The following MAN2B2 variants were observed in gnomAD, a reference collection of about 807,000 sequenced individuals.
MAN2B2 encodes mannosidase alpha class 2B member 2, also known as epididymis-specific alpha-mannosidase.
Under a neutral mutation model 117.1 loss-of-function variants are expected in MAN2B2, and 106 were observed. The observed-to-expected ratio is 0.90, with a 90% CI of 0.77 to 1.06. The LOEUF is 1.06. MAN2B2 is among the 50% of genes least tolerant of loss of function. MAN2B2 has a pLI of 0.00. For missense variants in MAN2B2, 1,326 were observed against 1,381.4 expected (o/e 0.96, Z 0.64); for synonymous variants, 544 against 595.1 (o/e 0.91, Z 1.25).
At chr4:6,605,911 CCATT>C (rs35778667) in intron 11 of MAN2B2, among the ~76,000 whole-genome samples, 70,127 of 150,822 alleles carry the variant, frequency 0.46, 16,596 homozygotes, top group East Asian at 0.62. Flanking sequence ...ACCCAACCAC[CCATT>C]CATTCATTCA....
In MAN2B2 at chr4:6,614,282, C is replaced by G; in HGVS notation, c.2628C>G (p.His876Gln). Reference sequence around the variant, plus strand: ...CCGTGACGCTGCCCCCGAATCTTCACCTGCAGATCCTGAGCATCCCTGGCT... The same window carrying G: ...CCGTGACGCTGCCCCCGAATCTTCAGCTGCAGATCCTGAGCATCCCTGGCT... ...QEAVTLPPNL[H>Q]LQILSIPGWR... Residue 876 changes from histidine (H) to glutamine (Q), a missense_variant, in exon 16 of 19, where the codon CAC becomes CAG. His to Gln is a conservative substitution (Grantham distance 24, BLOSUM62 0). Transcript: ENST00000285599. 2 of 1,614,132 alleles carry G rather than the reference C, an allele frequency of 1.2e-6. No homozygotes were observed. Among genetic ancestry groups the G allele is most frequent in the Non-Finnish European group, 8.5e-7 (1 of 1,180,008 alleles).
chr4:6,588,458 C>T (rs1726728443), intron 4 of MAN2B2, among the ~76,000 whole-genome samples: 3 of 152,298 alleles, frequency 2.0e-5, no homozygotes, highest in South Asian at 4.1e-4. Context: ...CAGTGGCTCA[C>T]GCCTGTAATC....
chr4:6,600,853 T>G, intron 10 of MAN2B2, 97 bp downstream of exon 10: 10 of 1,417,800 alleles, frequency 7.1e-6, no homozygotes, highest in Non-Finnish European at 8.6e-6. Flanking sequence ...AGGGAGGCCT[T>G]ATCACCTTTG....
At position 6,597,282 on chromosome 4, in the gene MAN2B2, G is replaced by C; in HGVS notation, c.1227G>C (p.Gln409His). ...DPTWALQQLQ[Q>H]LRWAVSEVQH... ...CCTGGGCCCTGCAGCAGCTCCAGCA[G>C]CTTCGCTGGGCCGTCTCCGAGGTAA... Residue 409 changes from glutamine (Q) to histidine (H), a missense_variant, in exon 8 of 19, where the codon CAG becomes CAC. Physicochemically the swap from Gln to His is conservative, Grantham distance 24. Coordinates refer to ENST00000285599, the MANE Select transcript of MAN2B2 (RefSeq NM_015274.3). 4 of 1,560,432 alleles carry C rather than the reference G, an allele frequency of 2.6e-6. No individual in the cohort carries two copies. The highest frequency in any genetic ancestry group is 3.5e-6 in the Non-Finnish European group (4 of 1,152,832).
chr4:6,609,140 A>T lies in MAN2B2; in HGVS notation c.1848A>T (p.Glu616Asp). The T allele has an allele frequency of 6.2e-7, 1 of 1,614,198 alleles. No homozygotes were observed. The highest frequency in any genetic ancestry group is 8.5e-7 in the Non-Finnish European group (1 of 1,180,032). Residue 616 changes from glutamate (E) to aspartate (D), a missense_variant, in exon 12 of 19, where the codon GAA (glutamate) becomes GAT (aspartate). Coordinates refer to ENST00000285599, the MANE Select transcript of MAN2B2 (RefSeq NM_015274.3). ...ACCGAACGGTGCGCGTGACCCAGGA[A>T]TTCCTGGAGTACCACGTCAACGGGG... ...QSNRTVRVTQEFLEYHVNGDV... is the reference protein window; with the variant it reads ...QSNRTVRVTQDFLEYHVNGDV...
At position 6,620,050 on chromosome 4, in the gene MAN2B2, G is replaced by T; in HGVS notation, c.2932+6G>T. ...GGGGCCTGGCCGCCACAGAGGTTTG[G>T]GGACCCCCGCTTCAGCTCCCTACCC... On this transcript the variant is annotated splice_donor_region_variant and intron_variant, in intron 18 of 18. Transcript: ENST00000285599. 1 of 1,606,034 alleles carries T rather than the reference G, an allele frequency of 6.2e-7. No homozygotes were observed. Among genetic ancestry groups the T allele is most frequent in the East Asian group, 2.2e-5 (1 of 44,464 alleles).
intron 6 of MAN2B2, among the ~76,000 whole-genome samples, chr4:6,593,592 G>T (rs1420422970): frequency 6.6e-6 from 1 of 152,158 alleles, no homozygotes; most frequent in Non-Finnish European, 1.5e-5. Flanking sequence ...TCTCTTCCCT[G>T]CCTGGGCCGG....
rs1171179288 is a variant in MAN2B2, at chr4:6,621,877, G to C, written c.*592G>C. ...GCACAGCAGCCGTCAGAGTCCATGAGAGGTGAAACCACACAGCAGGGATGT... is the reference window on the plus strand; with the variant it reads ...GCACAGCAGCCGTCAGAGTCCATGACAGGTGAAACCACACAGCAGGGATGT... On this transcript the variant is annotated 3_prime_UTR_variant, in exon 19 of 19. Transcript: ENST00000285599. 6.6e-6 allele frequency: 1 copy of C among 152,502 alleles called. No individual in the cohort carries two copies. The highest frequency in any genetic ancestry group is 2.4e-5 in the African/African-American group (1 of 41,478). 9.4% of individuals were successfully genotyped at this position (152,502 alleles called of 1,614,324 possible).
chr4:6,611,097 C>T lies in MAN2B2; in HGVS notation c.2382C>T (p.His794=), dbSNP rs1263745156. Residue 794 remains histidine, a synonymous_variant, in exon 15 of 19, where the codon CAC becomes CAT. Transcript: ENST00000285599. ...QGNGQVEVML[H]RRLWNNFDWD... Reference sequence around the variant, plus strand: ...ATGCCTTCCCGCAGGTCATGCTCCACCGGCGGCTGTGGAACAACTTCGACT... The same window carrying T: ...ATGCCTTCCCGCAGGTCATGCTCCATCGGCGGCTGTGGAACAACTTCGACT... The T allele has an allele frequency of 6.2e-7, 1 of 1,613,236 alleles. No homozygotes were observed. Among genetic ancestry groups the T allele is most frequent in the Non-Finnish European group, 8.5e-7 (1 of 1,179,508 alleles).
At chr4:6,604,061 A>G (rs969934818) in intron 10 of MAN2B2, among the ~76,000 whole-genome samples, 1 of 152,120 alleles carries the variant, frequency 6.6e-6, no homozygotes, top group Non-Finnish European at 1.5e-5. Context: ...AGATTGGGGG[A>G]TGGCCCCTCC....
chr4:6,598,417 G>A (rs1727194824), intron 9 of MAN2B2, 63 bp downstream of exon 9: 9 of 1,542,524 alleles, frequency 5.8e-6, no homozygotes, highest in Non-Finnish European at 7.9e-6. Flanking sequence ...AGGAGGTCAG[G>A]GGAGGGGCTC....
At chr4:6,576,759 T>A (rs1304117386) in intron 2 of MAN2B2, 35 bp downstream of exon 2, 2 of 1,609,456 alleles carry the variant, frequency 1.2e-6, no homozygotes, top group South Asian at 1.1e-5. Flanking sequence ...GTTGGCCCAG[T>A]ATCCTGGCAA....
chr4:6,605,376 C>T, intron 11 of MAN2B2, 47 bp downstream of exon 11: 1 of 1,563,860 alleles, frequency 6.4e-7, no homozygotes, highest in Non-Finnish European at 8.7e-7. Flanking sequence ...ATGCCTGGAG[C>T]CTGGGCATGT....
intron 13 of MAN2B2, among the ~76,000 whole-genome samples, chr4:6,610,507 G>A (rs1205296367): frequency 6.6e-6 from 1 of 152,254 alleles, no homozygotes; most frequent in Non-Finnish European, 1.5e-5. Context: ...CAGGGCTTGA[G>A]CGTGCAGGCT....
chr4:6,600,622 G>C lies in MAN2B2; in HGVS notation c.1406-1G>C, dbSNP rs533338840. On this transcript the variant is annotated splice_acceptor_variant, in intron 9 of 18. Transcript: ENST00000285599. LOFTEE classifies it high-confidence loss of function. ...AAGCAAAGCCTCTTCTCTGTGTGCA[G>C]ATGCAGGACCTGCAGGACATTTTGC... 7 of 1,613,752 alleles carry C rather than the reference G, an allele frequency of 4.3e-6. No individual in the cohort carries two copies. In the East Asian group the frequency reaches 1.1e-4, roughly 26 times the overall value.
rs1712164148 is a variant in MAN2B2 at position 6,621,339 on chromosome 4, G to C, written c.*54G>C. On this transcript the variant is annotated 3_prime_UTR_variant, in exon 19 of 19. Transcript: ENST00000285599. The stretch of plus-strand genomic sequence containing the variant: ...CTTCCCCCAGGAACTCCATGTAACA[G>C]AACAGACCCAGGACAGGGAAAAGCA... 4 of 1,476,404 alleles carry C rather than the reference G, an allele frequency of 2.7e-6. No individual in the cohort carries two copies. Among genetic ancestry groups the C allele is most frequent in the Admixed American group, 1.7e-5 (1 of 57,386 alleles). 91.5% of individuals were successfully genotyped at this position (1,476,404 alleles called of 1,614,324 possible).
rs1170160006 is a variant in MAN2B2 at position 6,605,081 on chromosome 4, T to C, written c.1566T>C (p.Ser522=). The C allele has an allele frequency of 1.2e-6, 2 of 1,613,764 alleles. No homozygotes were observed. The highest frequency in any genetic ancestry group is 1.7e-6 in the Non-Finnish European group (2 of 1,179,722). Residue 522 remains serine (S), a synonymous_variant, in exon 11 of 19, where the codon TCT becomes TCC. Transcript: ENST00000285599. ...SQIQNSTETP[S]AYDLLILTTI... ...TCCAGAACTCAACAGAGACCCCATC[T>C]GCGTATGACCTGCTTATTCTGACCA...
chr4:6,605,911 C>CCATTCATT (rs35778667), intron 11 of MAN2B2, among the ~76,000 whole-genome samples: 4 of 150,862 alleles, frequency 2.7e-5, no homozygotes, highest in Non-Finnish European at 5.9e-5. Context: ...ACCCAACCAC[C>CCATTCATT]CATTCATTCA....
rs186590468 is a variant in MAN2B2 at position 6,619,761 on chromosome 4, G to T, written c.2815-166G>T. ...GTACACGGCCAGTCCTGTCCTCGCA[G>T]ATGTGCTGTGAGAAGCAGATGAGGG... On this transcript the variant is annotated intron_variant, in intron 17 of 18. Coordinates refer to ENST00000285599, the MANE Select transcript of MAN2B2 (RefSeq NM_015274.3). 730 of 655,756 alleles carry T rather than the reference G, an allele frequency of 1.1e-3. 9 individuals are homozygous for T. Among genetic ancestry groups the T allele is most frequent in the South Asian group, 0.01 (604 of 58,066 alleles). The allele number at this position is 655,756 out of a possible 1,614,324, so 40.6% of individuals were successfully genotyped here. A position where few individuals can be genotyped will look rare whatever the true frequency, so the allele number is the denominator to read the frequency against.
Sources: gnomAD v4.1 joint callset for allele counts (sites outside exome capture counted in the v4.1 genomes callset) on GRCh38, gnomAD v4.1.1 for gene constraint, MANE v1.5 for transcripts, NCBI Gene and HGNC (gene_info 2026-07-23, HGNC 2026-07-21) for gene names.